The following TMEM163 variants were observed in gnomAD, a reference collection of about 807,000 sequenced individuals.
TMEM163 encodes the protein transmembrane protein 163.
TMEM163 carries 17 observed loss-of-function variants against 29.3 expected under a neutral mutation model. The ratio of observed to expected loss-of-function variants is 0.58; its 90% confidence interval spans 0.40 to 0.87. TMEM163 has a LOEUF of 0.87. TMEM163 is among the 40% of genes least tolerant of loss of function. TMEM163 has a pLI of 0.00. For synonymous variants in TMEM163, 157 were observed against 160.6 expected (o/e 0.98, Z 0.17); for missense variants, 303 against 381.5 (o/e 0.79, Z 1.71).
chr2:134,629,683 A>G (rs531184368), intron 2 of TMEM163, among the ~76,000 whole-genome samples: 1 of 152,330 alleles, frequency 6.6e-6, no homozygotes, highest in South Asian at 2.1e-4. Context: ...TTACTTTTCT[A>G]AATAAACTTC....
At chr2:134,677,462 T>C (rs933498652) in intron 2 of TMEM163, among the ~76,000 whole-genome samples, 12 of 86,838 alleles carry the variant, frequency 1.4e-4, no homozygotes, top group African/African-American at 2.1e-4. Context: ...GCTTTCAATA[T>C]AGTTGGATTT....
chr2:134,715,817 C>G (rs1045650611), intron 1 of TMEM163, among the ~76,000 whole-genome samples: 1 of 152,216 alleles, frequency 6.6e-6, no homozygotes, highest in Admixed American at 6.5e-5. Flanking sequence ...CGACAGGCCT[C>G]GGATTTGCAG....
chr2:134,474,933 C>A (rs1686882186), intron 5 of TMEM163, among the ~76,000 whole-genome samples: 5 of 152,020 alleles, frequency 3.3e-5, no homozygotes, highest in African/African-American at 1.2e-4. Context: ...GATGCAAAAG[C>A]CACCCTAAGC....
At chr2:134,682,666 G>T (rs543283815) in intron 2 of TMEM163, among the ~76,000 whole-genome samples, 1 of 152,180 alleles carries the variant, frequency 6.6e-6, no homozygotes, top group East Asian at 1.9e-4. Context: ...TAGGTGGAGC[G>T]ACAGGAACCC....
chr2:134,599,305 C>T (rs1682170273), intron 2 of TMEM163, among the ~76,000 whole-genome samples: 1 of 152,128 alleles, frequency 6.6e-6, no homozygotes, highest in East Asian at 1.9e-4. Flanking sequence ...AGAGTAGGGA[C>T]TAAATGTTTA....
chr2:134,680,323 A>G (rs1041339297), intron 2 of TMEM163, among the ~76,000 whole-genome samples: 15 of 152,034 alleles, frequency 9.9e-5, no homozygotes, highest in Admixed American at 7.9e-4. Context: ...TTAAAAGACT[A>G]AAATCAAAGA....
chr2:134,641,050 A>C (rs1574301856), intron 2 of TMEM163, among the ~76,000 whole-genome samples: 1 of 152,258 alleles, frequency 6.6e-6, no homozygotes, highest in Non-Finnish European at 1.5e-5. Context: ...ATGAAGATGC[A>C]GTTGGAAATA....
chr2:134,544,930 T>C (rs1680747199), intron 4 of TMEM163, among the ~76,000 whole-genome samples: 1 of 152,182 alleles, frequency 6.6e-6, no homozygotes, highest in Non-Finnish European at 1.5e-5. Context: ...TGAGCATCTG[T>C]TGGACAGCTC....
At chr2:134,647,357 T>TA (rs1290237265) in intron 2 of TMEM163, among the ~76,000 whole-genome samples, 4 of 152,202 alleles carry the variant, frequency 2.6e-5, no homozygotes, top group Non-Finnish European at 5.9e-5. Context: ...GGAAGACTCT[T>TA]AGTTTCCCCC....
chr2:134,610,897 C>A (rs1422032238), intron 2 of TMEM163, among the ~76,000 whole-genome samples: 1 of 152,086 alleles, frequency 6.6e-6, no homozygotes, highest in Non-Finnish European at 1.5e-5. Flanking sequence ...TAGGCAAAAT[C>A]ATTAAATCCA....
intron 4 of TMEM163, among the ~76,000 whole-genome samples, chr2:134,532,146 C>G (rs969124212): frequency 6.6e-6 from 1 of 152,232 alleles, no homozygotes; most frequent in East Asian, 1.9e-4. Flanking sequence ...AATCTTGTAT[C>G]CTTGACAAGC....
chr2:134,503,104 T>C, intron 4 of TMEM163, 107 bp from the exon 5 acceptor site: 1 of 1,147,114 alleles, frequency 8.7e-7, no homozygotes, highest in Admixed American at 2.1e-5. Flanking sequence ...AACTCAATTG[T>C]AATTTGCCAC....
chr2:134,598,466 A>C (rs565366977), intron 2 of TMEM163, among the ~76,000 whole-genome samples: 93 of 152,314 alleles, frequency 6.1e-4, no homozygotes, highest in African/African-American at 2.1e-3. Context: ...GCCTTAATTT[A>C]CCAATGAAAA....
At chr2:134,561,220 T>A (rs927583205) in intron 2 of TMEM163, among the ~76,000 whole-genome samples, 4 of 152,244 alleles carry the variant, frequency 2.6e-5, no homozygotes, top group African/African-American at 4.8e-5. Flanking sequence ...TTTGTTGTTG[T>A]TGAGACGGAG....
rs377061677 is a variant in TMEM163 at position 134,648,735 on chromosome 2, A to G, written c.322+64465T>C. 1.6e-3 allele frequency among the ~76,000 whole-genome samples: 249 copies of G among 152,326 alleles called. 1 individual carries two copies. The highest frequency in any genetic ancestry group is 5.6e-3 in the African/African-American group (233 of 41,578). On this transcript the variant is annotated intron_variant, in intron 2 of 7. Transcript: ENST00000281924. Reference sequence around the variant, plus strand: ...ATCTGTGTAAGTGTTGTTGCTTCTAATTATAATAGGCTTTCTGAAATGGGT... The same window carrying G: ...ATCTGTGTAAGTGTTGTTGCTTCTAGTTATAATAGGCTTTCTGAAATGGGT...
intron 2 of TMEM163, among the ~76,000 whole-genome samples, chr2:134,615,916 C>G (rs1348870281): frequency 1.3e-5 from 2 of 152,094 alleles, no homozygotes; most frequent in South Asian, 4.1e-4. Flanking sequence ...CTTGGCCTCC[C>G]CAAGTGTTGG....
chr2:134,558,596 G>A (rs943082936), intron 2 of TMEM163, among the ~76,000 whole-genome samples: 4 of 152,188 alleles, frequency 2.6e-5, no homozygotes, highest in African/African-American at 9.7e-5. Context: ...AGCAGGCTTT[G>A]AGGGAGGGTT....
At chr2:134,630,227 T>C (rs553972877) in intron 2 of TMEM163, among the ~76,000 whole-genome samples, 1 of 151,840 alleles carries the variant, frequency 6.6e-6, no homozygotes, top group Admixed American at 6.6e-5. Flanking sequence ...CACATGAAAA[T>C]ATACACAAGA....
chr2:134,526,735 C>G (rs574081087), intron 4 of TMEM163, among the ~76,000 whole-genome samples: 1 of 152,168 alleles, frequency 6.6e-6, no homozygotes, highest in Non-Finnish European at 1.5e-5. Flanking sequence ...CAATGCAGTG[C>G]AGGCTGACAG....
Sources: allele counts gnomAD v4.1 joint callset (sites outside exome capture counted in the v4.1 genomes callset), GRCh38; gene constraint gnomAD v4.1.1; transcripts MANE v1.5; gene names NCBI Gene and HGNC (gene_info 2026-07-23, HGNC 2026-07-21).